Variants in PLCG2 observed in about 807,000 individuals in gnomAD.
The protein encoded by PLCG2 is phospholipase C gamma 2.
PLCG2 carries 69 observed loss-of-function variants against 175.6 expected under a neutral mutation model. That is an observed-to-expected ratio of 0.39 (90% CI 0.32 to 0.48). PLCG2 has a LOEUF of 0.48. PLCG2 is among the 20% of genes least tolerant of loss of function. PLCG2 has a pLI of 0.91. For missense variants in PLCG2, 1,798 were observed against 1,650.9 expected, an observed-to-expected ratio of 1.09 and a Z score of -1.54; for synonymous variants, 827 against 624.0, an observed-to-expected ratio of 1.33 and a Z score of -4.85.
chr16:81,942,228 G>A (rs72824938), intron 30 of PLCG2, among the ~76,000 whole-genome samples: 1 of 152,208 alleles, frequency 6.6e-6, no homozygotes, highest in Non-Finnish European at 1.5e-5. Flanking sequence ...CCAGTGCCTT[G>A]CAGAGATGTC....
chr16:81,947,373 C>T (rs1282748638), intron 31 of PLCG2, among the ~76,000 whole-genome samples: 6 of 152,196 alleles, frequency 3.9e-5, no homozygotes, highest in Non-Finnish European at 7.3e-5. Context: ...TTTAATTCCA[C>T]ATCTGTCACC....
At position 81,882,474 on chromosome 16, in the gene PLCG2, C is replaced by T. The variant is rs144126709; in HGVS notation, c.693-795C>T. Among the ~76,000 whole-genome samples the T allele has an allele frequency of 2.4e-3, 362 of 152,156 alleles. 1 individual carries two copies. Among genetic ancestry groups the T allele is most frequent in the African/African-American group, 8.1e-3 (338 of 41,482 alleles). ...TCTGGATCGTGGCTTCTGAGGAGGCCCTTGGGTCTGGCTCCTGTCCTTTCT... is the reference window on the plus strand; with the variant it reads ...TCTGGATCGTGGCTTCTGAGGAGGCTCTTGGGTCTGGCTCCTGTCCTTTCT... On this transcript the variant is annotated intron_variant, in intron 8 of 32. Coordinates refer to ENST00000564138, the MANE Select transcript of PLCG2 (RefSeq NM_002661.5).
chr16:81,837,684 G>GTTTT (rs1218961131), intron 2 of PLCG2, among the ~76,000 whole-genome samples: 2 of 126,150 alleles, frequency 1.6e-5, no homozygotes, highest in Admixed American at 7.9e-5. Context: ...ACCAACATGT[G>GTTTT]TTTTTTTTTT....
In PLCG2 at chr16:81,894,292, A is replaced by G. The variant is rs192718920; in HGVS notation, c.1072+498A>G. 5.5e-3 allele frequency among the ~76,000 whole-genome samples: 836 copies of G among 152,244 alleles called. 21 individuals are homozygous for G. The highest frequency in any genetic ancestry group is 1.7e-3 in the Non-Finnish European group (117 of 68,008). On this transcript the variant is annotated intron_variant, in intron 12 of 32. Coordinates refer to ENST00000564138, the MANE Select transcript of PLCG2 (RefSeq NM_002661.5). ...AAAAGTAAAAAAATTAGCTGTGTGT[A>G]GTGGCATGCGCCTGTGGTCCCAACA... is the stretch of plus-strand genomic sequence containing the variant.
intron 7 of PLCG2, among the ~76,000 whole-genome samples, chr16:81,871,426 C>T (rs1315957575): frequency 1.3e-5 from 2 of 152,146 alleles, no homozygotes; most frequent in African/African-American, 4.8e-5. Flanking sequence ...GCAACCTTTG[C>T]CTCCCGGGTT....
intron 2 of PLCG2, among the ~76,000 whole-genome samples, chr16:81,802,392 G>A (rs541853084): frequency 5.2e-4 from 78 of 151,236 alleles, no homozygotes; most frequent in Non-Finnish European, 9.9e-4. Flanking sequence ...GATTACAGGC[G>A]TGAGCCACCG....
chr16:81,810,318 T>C (rs957356577), intron 2 of PLCG2, among the ~76,000 whole-genome samples: 2 of 152,250 alleles, frequency 1.3e-5, no homozygotes, highest in Non-Finnish European at 2.9e-5. Flanking sequence ...GACTCTAGTC[T>C]ATAGAACACG....
intron 14 of PLCG2, among the ~76,000 whole-genome samples, chr16:81,904,080 TCA>T: frequency 6.6e-6 from 1 of 152,270 alleles, no homozygotes; most frequent in East Asian, 1.9e-4. Flanking sequence ...TCAGCCAGGG[TCA>T]CACATTTAGT....
At chr16:81,788,947 G>A (rs1025326417) in intron 2 of PLCG2, among the ~76,000 whole-genome samples, 4 of 152,196 alleles carry the variant, frequency 2.6e-5, no homozygotes, top group Non-Finnish European at 4.4e-5. Flanking sequence ...GATGGGCCAC[G>A]TTGAGACTGG....
intron 2 of PLCG2, among the ~76,000 whole-genome samples, chr16:81,804,463 G>C (rs1911900597): frequency 6.6e-6 from 1 of 152,200 alleles, no homozygotes; most frequent in African/African-American, 2.4e-5. Flanking sequence ...GGATATGTTA[G>C]CTTGCAGCAC....
chr16:81,821,820 C>G (rs74029228), intron 2 of PLCG2, among the ~76,000 whole-genome samples: 1,809 of 152,114 alleles, frequency 0.012, 33 homozygotes, highest in African/African-American at 0.039. Context: ...TTACTGCAAA[C>G]AACTTTTGGG....
At chr16:81,773,149 G>C (rs1338432593) in intron 2 of PLCG2, among the ~76,000 whole-genome samples, 1 of 152,046 alleles carries the variant, frequency 6.6e-6, no homozygotes, top group Non-Finnish European at 1.5e-5. Context: ...TGAGACAGAG[G>C]GAAAGCATGC....
intron 1 of PLCG2, among the ~76,000 whole-genome samples, chr16:81,744,421 C>T (rs1019377767): frequency 2.0e-4 from 31 of 152,154 alleles, no homozygotes; most frequent in Admixed American, 1.8e-3. Flanking sequence ...CCTTGCCCTC[C>T]CAAAGTGTTG....
rs767717794 is a variant in PLCG2 at position 81,919,519 on chromosome 16, G to C, written c.2090G>C (p.Arg697Pro). 3.1e-6 allele frequency: 5 copies of C among 1,613,962 alleles called. No individual in the cohort carries two copies. The highest frequency in any genetic ancestry group is 4.2e-6 in the Non-Finnish European group (5 of 1,180,028). The stretch of plus-strand genomic sequence containing the variant: ...AAGGTAAAGCATTGTCGCATCAACC[G>C]GGACGGCCGGCACTTTGTGCTGGGG... The part of the protein sequence containing the change: ...RGKVKHCRIN[R>P]DGRHFVLGTS... Residue 697 changes from arginine (R) to proline (P), a missense_variant, in exon 20 of 33, where the codon CGG becomes CCG. By Grantham distance (103) the Arg-to-Pro change is moderately radical. Transcript: ENST00000564138.
At chr16:81,873,256 A>G (rs763252887) in intron 7 of PLCG2, among the ~76,000 whole-genome samples, 27 of 152,342 alleles carry the variant, frequency 1.8e-4, no homozygotes, top group African/African-American at 4.3e-4. Flanking sequence ...AATGAGATCA[A>G]TGGTTATAAA....
intron 14 of PLCG2, among the ~76,000 whole-genome samples, chr16:81,904,537 C>T (rs1331872869): frequency 6.6e-6 from 1 of 152,214 alleles, no homozygotes; most frequent in African/African-American, 2.4e-5. Flanking sequence ...GCTGTTTGCA[C>T]CCCGGTCGCC....
rs1906253900 is a variant in PLCG2, at chr16:81,848,774, C to T, written c.194-5670C>T. 2.0e-5 allele frequency among the ~76,000 whole-genome samples: 3 copies of T among 152,162 alleles called. 1 individual carries two copies. In the South Asian group the frequency reaches 6.2e-4, roughly 32 times the overall value. ...TCAGTGGTGAAGAAGGGTGTACAAT[C>T]CCTGCGTGTATGGAGCTTACAGTCT... is the stretch of plus-strand genomic sequence containing the variant. On this transcript the variant is annotated intron_variant, in intron 2 of 32. Coordinates refer to ENST00000564138, the MANE Select transcript of PLCG2 (RefSeq NM_002661.5).
intron 13 of PLCG2, among the ~76,000 whole-genome samples, chr16:81,897,244 G>A (rs1312256077): frequency 6.6e-6 from 1 of 152,248 alleles, no homozygotes; most frequent in Non-Finnish European, 1.5e-5. Context: ...TAGGCTCATT[G>A]GAATGATAGT....
chr16:81,831,919 C>G (rs1225901114), intron 2 of PLCG2, among the ~76,000 whole-genome samples: 1 of 152,316 alleles, frequency 6.6e-6, no homozygotes, highest in South Asian at 2.1e-4. Flanking sequence ...CAAATGAAGA[C>G]TCATTTGCAC....
Sources: allele counts gnomAD v4.1 joint callset (sites outside exome capture counted in the v4.1 genomes callset), GRCh38; gene constraint gnomAD v4.1.1; transcripts MANE v1.5; gene names NCBI Gene and HGNC (gene_info 2026-07-23, HGNC 2026-07-21).